The following POGLUT3 variants were observed in gnomAD, a reference collection of about 807,000 sequenced individuals.
The protein encoded by POGLUT3 is protein O-glucosyltransferase 3.
A neutral mutation model predicts 54.3 loss-of-function variants in POGLUT3; 48 were observed. The observed-to-expected ratio is 0.88, with a 90% CI of 0.70 to 1.12. POGLUT3 has a LOEUF of 1.12. Among genes scored for constraint, POGLUT3 ranks in the 50% most tolerant of loss-of-function variants. POGLUT3 has a pLI of 0.00. For synonymous variants in POGLUT3, 218 were observed against 237.4 expected (o/e 0.92, Z 0.75); for missense variants, 629 against 618.7 (o/e 1.02, Z -0.18).
intron 2 of POGLUT3, among the ~76,000 whole-genome samples, chr11:108,488,304 C>A (rs751470408): frequency 5.3e-5 from 8 of 152,198 alleles, no homozygotes; most frequent in Non-Finnish European, 1.2e-4. Flanking sequence ...GGATTACAGG[C>A]GTGAGTCACC....
intron 6 of POGLUT3, 71 bp downstream of exon 6, chr11:108,479,229 AT>A (rs762684751): frequency 4.1e-6 from 4 of 984,406 alleles, no homozygotes; most frequent in Non-Finnish European, 6.0e-6. Context: ...ATCAAATTGT[AT>A]TGTGATGGAA....
chr11:108,497,892 C>T (rs965699869), intron 1 of POGLUT3, among the ~76,000 whole-genome samples: 25 of 152,372 alleles, frequency 1.6e-4, no homozygotes, highest in African/African-American at 6.0e-4. Flanking sequence ...CTCCTTGTAA[C>T]GCCCGGGCGC....
chr11:108,497,044 C>T (rs2135869360), intron 1 of POGLUT3, among the ~76,000 whole-genome samples: 1 of 152,324 alleles, frequency 6.6e-6, no homozygotes. Context: ...TCTGGCAGTG[C>T]TTCAATGTTG....
chr11:108,474,808 AGTGTGATTCTGGGCTG>A lies in POGLUT3; in HGVS notation c.*3_*18del, dbSNP rs1565744125. 1 of 1,613,668 alleles carries A rather than the reference AGTGTGATTCTGGGCTG, an allele frequency of 6.2e-7. No homozygotes were observed. Among genetic ancestry groups the A allele is most frequent in the East Asian group, 2.2e-5 (1 of 44,864 alleles). On this transcript the variant is annotated 3_prime_UTR_variant, in exon 8 of 8. Transcript: ENST00000323468. ...TTAAAGTGTAGCCGGGATACACAGG[AGTGTGATTCTGGGCTG>A]ACTCAAAGTTCTTCTCTTGAAGGCT...
chr11:108,486,159 T>C lies in POGLUT3; in HGVS notation c.682A>G (p.Lys228Glu). 2 of 1,601,142 alleles carry C rather than the reference T, an allele frequency of 1.2e-6. No homozygotes were observed. The highest frequency in any genetic ancestry group is 1.7e-6 in the Non-Finnish European group (2 of 1,169,442). The change falls in exon 3 of 8, where the codon AAG (lysine) becomes GAG (glutamate). Residue 228 changes from lysine to glutamate, a missense_variant and splice_region_variant. Physicochemically the swap from Lys to Glu is moderately conservative, Grantham distance 56 (BLOSUM62 1). Coordinates refer to ENST00000323468, the MANE Select transcript of POGLUT3 (RefSeq NM_153705.5). ...TATCAATTCATTCATTCTCCTACCT[T>C]TCTTGTCAATGATAACAAAATCTCA... is the stretch of plus-strand genomic sequence containing the variant. ...SDEILLSLTRKVLLPDLEFYV... is the reference protein window; with the variant it reads ...SDEILLSLTREVLLPDLEFYV...
intron 6 of POGLUT3, among the ~76,000 whole-genome samples, chr11:108,479,004 A>T (rs558538151): frequency 1.3e-5 from 2 of 152,354 alleles, no homozygotes; most frequent in South Asian, 4.1e-4. Context: ...CTGGTCTTTC[A>T]GTCAGTAATT....
intron 1 of POGLUT3, among the ~76,000 whole-genome samples, chr11:108,495,125 G>A (rs554279587): frequency 4.6e-5 from 7 of 152,308 alleles, no homozygotes; most frequent in East Asian, 3.9e-4. Context: ...CTACACTGTC[G>A]AATGGGAGTG....
At chr11:108,486,546 A>G (rs2093603821) in intron 2 of POGLUT3, 106 bp from the exon 3 acceptor site, 5 of 1,168,062 alleles carry the variant, frequency 4.3e-6, no homozygotes, top group Middle Eastern at 2.7e-4. Flanking sequence ...TTATCCAGAG[A>G]TAATCTGCCC....
intron 7 of POGLUT3, among the ~76,000 whole-genome samples, chr11:108,475,399 G>GGTCT (rs1326918829): frequency 6.6e-6 from 1 of 151,602 alleles, no homozygotes; most frequent in African/African-American, 2.4e-5. Flanking sequence ...AATGGCAACA[G>GGTCT]GTCTGTGTAA....
At chr11:108,481,697 C>T (rs1214870764) in intron 4 of POGLUT3, among the ~76,000 whole-genome samples, 2 of 147,718 alleles carry the variant, frequency 1.4e-5, no homozygotes, top group African/African-American at 2.5e-5. Flanking sequence ...CTAGGAAATA[C>T]CTGAAATAAT....
intron 1 of POGLUT3, among the ~76,000 whole-genome samples, chr11:108,492,522 A>C (rs1230939168): frequency 6.6e-6 from 1 of 152,238 alleles, no homozygotes; most frequent in African/African-American, 2.4e-5. Context: ...TGAAATTACT[A>C]AACACGTTTG....
chr11:108,492,690 C>T (rs916512694), intron 1 of POGLUT3, among the ~76,000 whole-genome samples: 18 of 151,816 alleles, frequency 1.2e-4, no homozygotes, highest in African/African-American at 3.9e-4. Flanking sequence ...TATTAATAAT[C>T]GAGTACCAAA....
chr11:108,476,130 G>T (rs1278980942), intron 7 of POGLUT3, among the ~76,000 whole-genome samples: 1 of 151,962 alleles, frequency 6.6e-6, no homozygotes, highest in Non-Finnish European at 1.5e-5. Flanking sequence ...CTAGGTGACC[G>T]AGTAAGAAAT....
At chr11:108,493,790 C>A (rs2093617230) in intron 1 of POGLUT3, among the ~76,000 whole-genome samples, 1 of 131,142 alleles carries the variant, frequency 7.6e-6, no homozygotes, top group Non-Finnish European at 1.6e-5. Flanking sequence ...GGCAACAAAG[C>A]TAGACTCTGT....
intron 1 of POGLUT3, among the ~76,000 whole-genome samples, chr11:108,495,741 C>T (rs1208892955): frequency 6.6e-6 from 1 of 151,914 alleles, no homozygotes; most frequent in Non-Finnish European, 1.5e-5. Flanking sequence ...GCACTGCAAC[C>T]TTGAGCTCCT....
intron 1 of POGLUT3, among the ~76,000 whole-genome samples, chr11:108,494,290 C>A (rs1250083953): frequency 6.6e-6 from 1 of 152,046 alleles, no homozygotes; most frequent in Admixed American, 6.6e-5. Context: ...TCATTAAGGC[C>A]CTCTACAGCT....
At chr11:108,477,135 C>G (rs972686579) in intron 7 of POGLUT3, among the ~76,000 whole-genome samples, 1 of 152,134 alleles carries the variant, frequency 6.6e-6, no homozygotes, top group South Asian at 2.1e-4. Context: ...GGCGTGGTGG[C>G]TCACACCTGT....
chr11:108,481,325 C>T lies in POGLUT3; in HGVS notation c.953G>A (p.Ser318Asn). ...TACCAACTGGAGCCTCTCCTCTCGG[C>T]TGTCTCTACCTCTGAAGAAAGCTCT... The part of the protein sequence containing the change: ...TERAFFRGRD[S>N]REERLQLVQL... The change falls in exon 5 of 8, where the codon AGC (serine) becomes AAC (asparagine). Residue 318 changes from serine (S) to asparagine (N), a missense_variant. Transcript: ENST00000323468. 6.2e-7 allele frequency: 1 copy of T among 1,608,054 alleles called. No individual in the cohort carries two copies. The highest frequency in any genetic ancestry group is 1.1e-5 in the South Asian group (1 of 89,042).
intron 6 of POGLUT3, 98 bp from the exon 7 acceptor site, chr11:108,477,809 G>A (rs1250209670): frequency 2.6e-6 from 2 of 784,116 alleles, no homozygotes; most frequent in Non-Finnish European, 4.5e-6. Flanking sequence ...GGTTGAAAGT[G>A]AACAGCATGG....
Sources: allele counts gnomAD v4.1 joint callset (sites outside exome capture counted in the v4.1 genomes callset), GRCh38; gene constraint gnomAD v4.1.1; transcripts MANE v1.5; gene names NCBI Gene and HGNC (gene_info 2026-07-23, HGNC 2026-07-21).